The following PTK2B variants were observed in gnomAD, a reference collection of about 807,000 sequenced individuals.
PTK2B encodes the protein protein tyrosine kinase 2 beta, also known as protein-tyrosine kinase 2-beta.
PTK2B carries 71 observed loss-of-function variants against 142.9 expected under a neutral mutation model. The observed-to-expected ratio is 0.50, with a 90% CI of 0.41 to 0.61. PTK2B has a LOEUF of 0.61. Ranked by LOEUF, PTK2B falls within the 20% of genes least tolerant of loss-of-function variation. The pLI is 0.00. For missense variants in PTK2B, 1,105 were observed against 1,320.4 expected, an observed-to-expected ratio of 0.84 and a Z score of 2.53; for synonymous variants, 519 against 503.4, an observed-to-expected ratio of 1.03 and a Z score of -0.42.
At chr8:27,353,206 A>G (rs1365336049) in intron 1 of PTK2B, among the ~76,000 whole-genome samples, 2 of 152,210 alleles carry the variant, frequency 1.3e-5, no homozygotes, top group African/African-American at 4.8e-5. Flanking sequence ...GATTTACGGT[A>G]TAAGTTTGCC....
At chr8:27,393,704 C>T (rs1807860722) in intron 1 of PTK2B, among the ~76,000 whole-genome samples, 1 of 152,062 alleles carries the variant, frequency 6.6e-6, no homozygotes, top group Non-Finnish European at 1.5e-5. Flanking sequence ...TTTTGTTTCA[C>T]AGCAAAATTG....
At chr8:27,396,165 C>G (rs979581837) in intron 1 of PTK2B, 5 of 152,208 alleles carry the variant, frequency 3.3e-5, no homozygotes, top group Non-Finnish European at 5.9e-5. Flanking sequence ...ATCCTTGCCT[C>G]TCTTTTGCAT....
chr8:27,394,817 T>C (rs1807941793), intron 1 of PTK2B, among the ~76,000 whole-genome samples: 1 of 152,186 alleles, frequency 6.6e-6, no homozygotes, highest in African/African-American at 2.4e-5. Flanking sequence ...TTTCCATTTC[T>C]AAAGATTTTT....
At chr8:27,339,586 C>A (rs886447448) in intron 1 of PTK2B, among the ~76,000 whole-genome samples, 1 of 152,082 alleles carries the variant, frequency 6.6e-6, no homozygotes, top group Admixed American at 6.5e-5. Flanking sequence ...GAGACATGGG[C>A]GAAAGCTTGA....
intron 5 of PTK2B, among the ~76,000 whole-genome samples, chr8:27,424,649 T>A (rs899116525): frequency 1.3e-5 from 2 of 152,216 alleles, no homozygotes; most frequent in Non-Finnish European, 2.9e-5. Context: ...CAGTTATTTG[T>A]TATGATGAGC....
At chr8:27,375,749 C>G (rs1209659218) in intron 1 of PTK2B, among the ~76,000 whole-genome samples, 2 of 152,200 alleles carry the variant, frequency 1.3e-5, no homozygotes, top group Admixed American at 1.3e-4. Context: ...CAGTTATGCA[C>G]GGGTGCCCCC....
chr8:27,424,838 G>T (rs2565046), intron 5 of PTK2B, among the ~76,000 whole-genome samples: 1 of 150,732 alleles, frequency 6.6e-6, no homozygotes, highest in African/African-American at 2.4e-5. Flanking sequence ...TCATTGATTA[G>T]GTCACCTGCC....
chr8:27,453,034 C>A, intron 27 of PTK2B, 80 bp from the exon 28 acceptor site: 1 of 1,522,028 alleles, frequency 6.6e-7, no homozygotes, highest in Non-Finnish European at 9.1e-7. Context: ...GGGGAAGGGG[C>A]TCATTTGATG....
Position 27,397,776 on chromosome 8 carries a change from G to A in PTK2B, c.192G>A (p.Gln64=), listed in dbSNP as rs1439736683. ...TCAAACTGGTCAAATGCACTGTCCAGACGGAGATCCGGGTAAGTGTGAAGT... is the reference window on the plus strand; with the variant it reads ...TCAAACTGGTCAAATGCACTGTCCAAACGGAGATCCGGGTAAGTGTGAAGT... The part of the protein sequence containing the change: ...KNFKLVKCTV[Q]TEIREIITSI... Residue 64 remains glutamine, a synonymous_variant, in exon 2 of 31, where the codon CAG becomes CAA. Transcript: ENST00000346049. The A allele has an allele frequency of 1.6e-5, 26 of 1,614,058 alleles. No homozygotes were observed. Among genetic ancestry groups the A allele is most frequent in the Non-Finnish European group, 2.1e-5 (25 of 1,179,984 alleles).
chr8:27,347,339 C>T (rs749542737), intron 1 of PTK2B, among the ~76,000 whole-genome samples: 18 of 152,176 alleles, frequency 1.2e-4, no homozygotes, highest in African/African-American at 1.7e-4. Context: ...GAGATCCACC[C>T]ACCTCGGCCT....
intron 8 of PTK2B, 160 bp from the exon 9 acceptor site, chr8:27,431,238 G>C: frequency 1.3e-6 from 2 of 1,510,772 alleles, no homozygotes; most frequent in Non-Finnish European, 1.8e-6. Flanking sequence ...GACAGGCAAG[G>C]TGTCAGGAGG....
In PTK2B at chr8:27,454,188, A is replaced by G; in HGVS notation, c.2630A>G (p.Asp877Gly). 6.2e-7 allele frequency: 1 copy of G among 1,614,040 alleles called. No homozygotes were observed. The highest frequency in any genetic ancestry group is 1.1e-5 in the South Asian group (1 of 91,074). The change falls in exon 29 of 31, where the codon GAT becomes GGT. Residue 877 changes from aspartate (D) to glycine (G), a missense_variant. By Grantham distance (94) the Asp-to-Gly change is moderately conservative (BLOSUM62 -1). Coordinates refer to ENST00000346049, the MANE Select transcript of PTK2B (RefSeq NM_173176.3). ...IQPTANLDRT[D>G]DLVYLNVMEL... Reference sequence around the variant, plus strand: ...CCCACAGCTAACCTGGACCGGACTGATGACCTGGTGTACCTCAATGTCATG... The same window carrying G: ...CCCACAGCTAACCTGGACCGGACTGGTGACCTGGTGTACCTCAATGTCATG...
intron 1 of PTK2B, among the ~76,000 whole-genome samples, chr8:27,354,556 T>C (rs996650356): frequency 6.6e-6 from 1 of 152,218 alleles, no homozygotes; most frequent in African/African-American, 2.4e-5. Flanking sequence ...CCGGCAGGTA[T>C]GTTGACTGTT....
At chr8:27,383,466 G>C (rs529762363) in intron 1 of PTK2B, among the ~76,000 whole-genome samples, 1 of 151,956 alleles carries the variant, frequency 6.6e-6, no homozygotes, top group African/African-American at 2.4e-5. Flanking sequence ...GGCTGGTCTC[G>C]AAATGGCTGG....
intron 30 of PTK2B, 88 bp downstream of exon 30, chr8:27,454,699 C>A (rs1812041358): frequency 1.5e-6 from 2 of 1,372,832 alleles, no homozygotes; most frequent in Non-Finnish European, 2.0e-6. Context: ...GCTGCCTGGG[C>A]AACCTCATGT....
At chr8:27,371,696 C>T (rs1406251339) in intron 1 of PTK2B, among the ~76,000 whole-genome samples, 1 of 152,082 alleles carries the variant, frequency 6.6e-6, no homozygotes, top group Non-Finnish European at 1.5e-5. Context: ...TACAGGCATG[C>T]ACCACCATGC....
intron 29 of PTK2B, 37 bp from the exon 30 acceptor site, chr8:27,454,494 T>C (rs761746864): frequency 5.6e-6 from 9 of 1,601,256 alleles, no homozygotes; most frequent in Admixed American, 1.7e-5. Flanking sequence ...CTCCAATAGC[T>C]AGGAGTGGCG....
At chr8:27,385,342 A>G (rs1288671234) in intron 1 of PTK2B, among the ~76,000 whole-genome samples, 1 of 152,184 alleles carries the variant, frequency 6.6e-6, no homozygotes, top group Non-Finnish European at 1.5e-5. Context: ...GGGGTGGCAA[A>G]GGACCTCAAG....
At chr8:27,392,812 C>A (rs1486466189) in intron 1 of PTK2B, among the ~76,000 whole-genome samples, 1 of 152,134 alleles carries the variant, frequency 6.6e-6, no homozygotes, top group African/African-American at 2.4e-5. Flanking sequence ...AGGAAGTTGC[C>A]ATGTGTCAAT....
Sources: allele counts gnomAD v4.1 joint callset (sites outside exome capture counted in the v4.1 genomes callset), GRCh38; gene constraint gnomAD v4.1.1; transcripts MANE v1.5; gene names NCBI Gene and HGNC (gene_info 2026-07-23, HGNC 2026-07-21).